Variants in PHACTR4 observed in about 807,000 individuals in gnomAD.
The protein encoded by PHACTR4 is protein phosphatase 1, regulatory subunit 124.
PHACTR4 carries 51 observed loss-of-function variants against 72.7 expected under a neutral mutation model. That is an observed-to-expected ratio of 0.70 (90% confidence interval 0.56 to 0.89). The LOEUF (loss-of-function observed/expected upper bound fraction) is 0.89. PHACTR4 is among the 40% of genes least tolerant of loss of function. The pLI, the probability that PHACTR4 is intolerant of heterozygous loss-of-function variation, is 0.00. For synonymous variants in PHACTR4, 255 were observed against 302.5 expected, an observed-to-expected ratio of 0.84 and a Z score of 1.63; for missense variants, 731 against 861.8, an observed-to-expected ratio of 0.85 and a Z score of 1.90.
At chr1:28,412,959 G>A (rs1654878886) in intron 2 of PHACTR4, among the ~76,000 whole-genome samples, 1 of 152,094 alleles carries the variant, frequency 6.6e-6, no homozygotes, top group Non-Finnish European at 1.5e-5. Context: ...CACTACCCCC[G>A]GGCCACAGGA....
intron 2 of PHACTR4, chr1:28,432,804 G>C (rs776885098): frequency 6.6e-6 from 1 of 152,012 alleles, no homozygotes; most frequent in Non-Finnish European, 1.5e-5. Context: ...TCAATAGCAC[G>C]ATCTCAGCTC....
chr1:28,460,173 T>C, intron 3 of PHACTR4, 39 bp from the exon 4 acceptor site: 1 of 1,410,634 alleles, frequency 7.1e-7, no homozygotes, highest in Non-Finnish European at 1.0e-6. Flanking sequence ...GACTTTCAAC[T>C]GTCACATTTC....
In PHACTR4 at chr1:28,438,793, A is replaced by G. The variant is rs1011659893; in HGVS notation, c.17-20292A>G. 2.6e-5 allele frequency among the ~76,000 whole-genome samples: 4 copies of G among 152,286 alleles called. No homozygotes were observed. In the East Asian group the frequency reaches 7.7e-4, roughly 29 times the overall value. On this transcript the variant is annotated intron_variant, in intron 2 of 13. Coordinates refer to ENST00000373839, the MANE Select transcript of PHACTR4 (RefSeq NM_001048183.3). ...TAGAATTCAGAGATATTTTGTTAGT[A>G]TTTTACAGAACTTGGAAAATAGAAC...
At chr1:28,397,643 A>T (rs141850899) in intron 1 of PHACTR4, among the ~76,000 whole-genome samples, 1 of 152,228 alleles carries the variant, frequency 6.6e-6, no homozygotes, top group East Asian at 1.9e-4. Context: ...TATCTTGGAC[A>T]TTCAAAATGA....
At position 28,499,958 on chromosome 1, in the gene PHACTR4, C is replaced by T. The variant is rs1047604567; in HGVS notation, c.*3409C>T. On this transcript the variant is annotated 3_prime_UTR_variant, in exon 14 of 14. Transcript: ENST00000373839. ...TTTTTGTGGCTTGAGATGATATTTT[C>T]GAACCCTTCTTTCACTACCTTTCTT... 32 of 152,188 alleles carry T rather than the reference C, an allele frequency of 2.1e-4. No individual in the cohort carries two copies. The highest frequency in any genetic ancestry group is 3.4e-3 in the Middle Eastern group (1 of 294). The allele number at this position is 152,188 out of a possible 1,614,324, so 9.4% of individuals were successfully genotyped here. A position where few individuals can be genotyped will look rare whatever the true frequency, so the allele number is the denominator to read the frequency against.
chr1:28,470,553 G>A (rs1221700007), intron 6 of PHACTR4, among the ~76,000 whole-genome samples: 1 of 151,478 alleles, frequency 6.6e-6, no homozygotes, highest in Non-Finnish European at 1.5e-5. Flanking sequence ...AAAATTAGCC[G>A]GGCATGGTGG....
intron 13 of PHACTR4, among the ~76,000 whole-genome samples, chr1:28,496,006 A>G (rs1277882199): frequency 6.6e-6 from 1 of 151,824 alleles, no homozygotes; most frequent in Non-Finnish European, 1.5e-5. Flanking sequence ...AAGAAGAGAG[A>G]AAATTATGGA....
At chr1:28,388,961 A>AT (rs1235866243) in intron 1 of PHACTR4, among the ~76,000 whole-genome samples, 1 of 152,184 alleles carries the variant, frequency 6.6e-6, no homozygotes, top group Non-Finnish European at 1.5e-5. Context: ...CTGGGCAATG[A>AT]TTTTTTGATT....
chr1:28,371,648 G>A (rs975759730), intron 1 of PHACTR4, among the ~76,000 whole-genome samples: 9 of 151,926 alleles, frequency 5.9e-5, no homozygotes, highest in African/African-American at 2.2e-4. Flanking sequence ...TCCCAGGCTG[G>A]AGTGCAGTGA....
chr1:28,453,076 G>A (rs1209061281), intron 2 of PHACTR4, among the ~76,000 whole-genome samples: 3 of 150,708 alleles, frequency 2.0e-5, no homozygotes, highest in African/African-American at 4.9e-5. Flanking sequence ...CCGAGATCAC[G>A]CCATTGCACT....
chr1:28,430,739 G>A (rs959092292), intron 2 of PHACTR4, among the ~76,000 whole-genome samples: 3 of 152,178 alleles, frequency 2.0e-5, no homozygotes, highest in African/African-American at 7.2e-5. Context: ...TAAGAAAGAA[G>A]TATGCTGAAT....
chr1:28,477,439 C>G (rs888610562), intron 8 of PHACTR4, among the ~76,000 whole-genome samples: 3 of 151,570 alleles, frequency 2.0e-5, no homozygotes, highest in Non-Finnish European at 4.4e-5. Context: ...TCCCAAAGCT[C>G]TAGGATTACA....
At chr1:28,494,249 G>GTAATCTAGGAT (rs997988687) in intron 13 of PHACTR4, 2 of 152,062 alleles carry the variant, frequency 1.3e-5, no homozygotes, top group Admixed American at 6.6e-5. Flanking sequence ...TGGTGCAGTG[G>GTAATCTAGGAT]TACACACCTG....
chr1:28,424,812 G>T (rs1360383192), intron 2 of PHACTR4, among the ~76,000 whole-genome samples: 6 of 148,664 alleles, frequency 4.0e-5, no homozygotes, highest in Admixed American at 2.7e-4. Context: ...GTTTTTTTTT[G>T]AGATGGAGTC....
chr1:28,407,311 C>T (rs1225795862), intron 1 of PHACTR4, 99 bp from the exon 2 acceptor site: 2 of 480,542 alleles, frequency 4.2e-6, no homozygotes, highest in Non-Finnish European at 7.2e-6. Flanking sequence ...CACTTTTAAA[C>T]TATAGTCAAT....
At chr1:28,416,433 T>A (rs1323371869) in intron 2 of PHACTR4, among the ~76,000 whole-genome samples, 1 of 152,176 alleles carries the variant, frequency 6.6e-6, no homozygotes, top group East Asian at 1.9e-4. Flanking sequence ...ATTACCAATC[T>A]TAAGGAAAAC....
At chr1:28,395,344 C>A (rs1653413505) in intron 1 of PHACTR4, among the ~76,000 whole-genome samples, 1 of 152,134 alleles carries the variant, frequency 6.6e-6, no homozygotes, top group South Asian at 2.1e-4. Context: ...ATGAATTGCC[C>A]TTCCTGTGCT....
At chr1:28,373,346 A>T (rs1336336864) in intron 1 of PHACTR4, among the ~76,000 whole-genome samples, 1 of 151,954 alleles carries the variant, frequency 6.6e-6, no homozygotes, top group Non-Finnish European at 1.5e-5. Context: ...GCTGAAGTGC[A>T]ATGGCACGAT....
intron 1 of PHACTR4, among the ~76,000 whole-genome samples, chr1:28,396,845 C>CTTTTTTTTTTTTTTTTTTTTTT (rs60578939): frequency 8.4e-6 from 1 of 119,666 alleles, no homozygotes; most frequent in Admixed American, 9.4e-5. Context: ...TTCTTTCTTT[C>CTTTTTTTTTTTTTTTTTTTTTT]TTTTTTTTTT....
Sources: allele counts gnomAD v4.1 joint callset (sites outside exome capture counted in the v4.1 genomes callset), GRCh38; gene constraint gnomAD v4.1.1; transcripts MANE v1.5; gene names NCBI Gene and HGNC (gene_info 2026-07-23, HGNC 2026-07-21).